The following ATL1 variants were observed in gnomAD, a reference collection of about 807,000 sequenced individuals.
ATL1 encodes the protein atlastin GTPase 1.
A neutral mutation model predicts 75.5 loss-of-function variants in ATL1; 31 were observed. The ratio of observed to expected loss-of-function variants is 0.41; its 90% CI spans 0.31 to 0.55. The LOEUF (loss-of-function observed/expected upper bound fraction) is 0.55, where lower values mean the gene tolerates loss of function less well. Ranked by LOEUF, ATL1 falls within the 20% of genes least tolerant of loss-of-function variation. The pLI, the probability that ATL1 is intolerant of heterozygous loss-of-function variation, is 0.27. For synonymous variants in ATL1, 226 were observed against 233.3 expected, an observed-to-expected ratio of 0.97 and a Z score of 0.28; for missense variants, 405 against 662.6, an observed-to-expected ratio of 0.61 and a Z score of 4.27.
Position 50,632,213 on chromosome 14 carries a change from G to A in ATL1, c.1567-16G>A, listed in dbSNP as rs1319801720. On this transcript the variant is annotated splice_polypyrimidine_tract_variant and intron_variant, in intron 13 of 13. Transcript: ENST00000358385. ...GTTTAATAAAATGTTTTATAATTTT[G>A]ATGCTTTTATTCTAGGCTTTGTACA... 1 of 1,572,954 alleles carries A rather than the reference G, an allele frequency of 6.4e-7. No individual in the cohort carries two copies. Among genetic ancestry groups the A allele is most frequent in the Middle Eastern group, 1.7e-4 (1 of 5,960 alleles).
rs1309632347 is a variant in ATL1, at chr14:50,595,459, A to G, written c.574-117A>G. The G allele has an allele frequency of 1.2e-5, 11 of 886,640 alleles. No homozygotes were observed. The Admixed American group carries it at 2.2e-4, about 17-fold the overall frequency. The allele number at this position is 886,640 out of a possible 1,614,324, so 54.9% of individuals were successfully genotyped here. ...TCTTCTTAATGTAATATTCTGTTAT[A>G]CCTAGAGGGAAAAGTAAATGAAAGA... On this transcript the variant is annotated intron_variant, in intron 5 of 13. Coordinates refer to ENST00000358385, the MANE Select transcript of ATL1 (RefSeq NM_015915.5).
chr14:50,581,327 A>G, intron 1 of ATL1, among the ~76,000 whole-genome samples: 1 of 152,056 alleles, frequency 6.6e-6, no homozygotes, highest in South Asian at 2.1e-4. Flanking sequence ...TTCAATATAA[A>G]TAAGATACTA....
In ATL1 at chr14:50,614,495, T is replaced by C; in HGVS notation, c.846T>C (p.Phe282=). 6.2e-7 allele frequency: 1 copy of C among 1,613,918 alleles called. No individual in the cohort carries two copies. The highest frequency in any genetic ancestry group is 8.5e-7 in the Non-Finnish European group (1 of 1,179,900). Residue 282 remains phenylalanine (F), a synonymous_variant, in exon 8 of 14, where the codon TTT becomes TTC. Coordinates refer to ENST00000358385, the MANE Select transcript of ATL1 (RefSeq NM_015915.5). ...TAAAAGTAGCTACCAATCCAAACTT[T>C]GATGGAAAATTGAAAGGTTTGTGTC... ...PGLKVATNPN[F]DGKLKEIDDE...
chr14:50,558,458 T>C (rs984596791), upstream of ATL1, among the ~76,000 whole-genome samples: 9 of 152,162 alleles, frequency 5.9e-5, no homozygotes, highest in African/African-American at 2.2e-4. Flanking sequence ...CTAAAATCAG[T>C]GGATGAAAAG....
intron 2 of ATL1, among the ~76,000 whole-genome samples, chr14:50,590,319 C>T (rs945578058): frequency 1.2e-4 from 19 of 152,172 alleles, no homozygotes; most frequent in African/African-American, 4.3e-4. Context: ...AACTTTCCGT[C>T]GCCTGCAGGA....
chr14:50,626,402 G>A (rs1368613468), intron 11 of ATL1, among the ~76,000 whole-genome samples: 1 of 152,208 alleles, frequency 6.6e-6, no homozygotes, highest in African/African-American at 2.4e-5. Flanking sequence ...GACTTTGAGA[G>A]GGGTCCAAGA....
In ATL1 at chr14:50,585,669, G is replaced by C. The variant is rs533799787; in HGVS notation, c.35-2162G>C. 6.6e-5 allele frequency among the ~76,000 whole-genome samples: 10 copies of C among 152,244 alleles called. No homozygotes were observed. The South Asian group carries it at 2.1e-3, about 32-fold the overall frequency. On this transcript the variant is annotated intron_variant, in intron 1 of 13. Coordinates refer to ENST00000358385, the MANE Select transcript of ATL1 (RefSeq NM_015915.5). ...TGTTAAGTCTTCACAAAGGCTTTCT[G>C]ATATGGGTACCATTATGAATCTTTT...
intron 6 of ATL1, among the ~76,000 whole-genome samples, chr14:50,600,436 G>A (rs909785449): frequency 6.6e-6 from 1 of 152,120 alleles, no homozygotes; most frequent in Admixed American, 6.6e-5. Flanking sequence ...AAATTGAAAT[G>A]CGAAGCTCAT....
At chr14:50,567,471 T>C (rs1440978400) in intron 1 of ATL1, among the ~76,000 whole-genome samples, 1 of 152,194 alleles carries the variant, frequency 6.6e-6, no homozygotes, top group Non-Finnish European at 1.5e-5. Context: ...TTCTTTTGGG[T>C]ATATACCCAG....
At chr14:50,615,303 T>C (rs1176734222) in intron 8 of ATL1, among the ~76,000 whole-genome samples, 1 of 152,238 alleles carries the variant, frequency 6.6e-6, no homozygotes, top group Non-Finnish European at 1.5e-5. Flanking sequence ...TAATTTACTG[T>C]GGCCTTTGTG....
At chr14:50,621,388 T>C (rs1310286740) in intron 9 of ATL1, among the ~76,000 whole-genome samples, 1 of 152,352 alleles carries the variant, frequency 6.6e-6, no homozygotes, top group African/African-American at 2.4e-5. Flanking sequence ...ACCTTCATGA[T>C]TGTCAGCAAT....
intron 10 of ATL1, 25 bp from the exon 11 acceptor site, chr14:50,623,152 A>C: frequency 6.2e-7 from 1 of 1,604,896 alleles, no homozygotes; most frequent in Non-Finnish European, 8.5e-7. Context: ...TGCATTTTAC[A>C]TCATATTTTG....
At chr14:50,549,355 T>C (rs1051251770) in intron 1 of ATL1, among the ~76,000 whole-genome samples, 2 of 152,184 alleles carry the variant, frequency 1.3e-5, no homozygotes, top group African/African-American at 4.8e-5. Flanking sequence ...TATGCAGATA[T>C]TCTAGCAGCT....
chr14:50,537,439 A>G (rs2038508612), intron 1 of ATL1, among the ~76,000 whole-genome samples: 1 of 152,188 alleles, frequency 6.6e-6, no homozygotes, highest in South Asian at 2.1e-4. Context: ...GTGGGGTCAG[A>G]GCCCCCAGAC....
intron 1 of ATL1, 102 bp from the exon 2 acceptor site, chr14:50,587,729 C>T: frequency 6.8e-7 from 1 of 1,475,162 alleles, no homozygotes; most frequent in South Asian, 1.1e-5. Context: ...ATTTATAATT[C>T]CAGTATGCTC....
intron 1 of ATL1, among the ~76,000 whole-genome samples, chr14:50,552,177 C>A (rs2140161438): frequency 6.6e-6 from 1 of 152,212 alleles, no homozygotes; most frequent in South Asian, 2.1e-4. Context: ...GATACAAAAT[C>A]AATGTACACA....
intron 2 of ATL1, among the ~76,000 whole-genome samples, chr14:50,589,155 C>CTTTTTTTTTTTTTTTT (rs34191629): frequency 1.8e-5 from 2 of 109,426 alleles, no homozygotes; most frequent in Non-Finnish European, 3.7e-5. Flanking sequence ...TTCTTTCTTT[C>CTTTTTTTTTTTTTTTT]TTTTTTTTTT....
upstream of ATL1, among the ~76,000 whole-genome samples, chr14:50,555,706 T>C (rs1013935226): frequency 1.2e-4 from 19 of 152,256 alleles, no homozygotes; most frequent in African/African-American, 3.9e-4. Flanking sequence ...TAGCCAAAGC[T>C]ATATCCTAAC....
chr14:50,580,027 A>C (rs11846725), intron 1 of ATL1, among the ~76,000 whole-genome samples: 1,797 of 152,322 alleles, frequency 0.012, 35 homozygotes, highest in African/African-American at 0.041. Context: ...TAACTTTTTT[A>C]ATCTACTGCT....
Sources: gnomAD v4.1 joint callset for allele counts (sites outside exome capture counted in the v4.1 genomes callset) on GRCh38, gnomAD v4.1.1 for gene constraint, MANE v1.5 for transcripts, NCBI Gene and HGNC (gene_info 2026-07-23, HGNC 2026-07-21) for gene names.